The following SCARA5 variants were observed in gnomAD, a reference collection of about 807,000 sequenced individuals.
The protein encoded by SCARA5 is scavenger receptor class A member 5, also known as scavenger receptor class A, member 5 (putative).
A neutral mutation model predicts 46.3 loss-of-function variants in SCARA5; 45 were observed. The ratio of observed to expected loss-of-function variants is 0.97; its 90% CI spans 0.76 to 1.24. SCARA5 has a LOEUF of 1.24. SCARA5 is among the 50% of genes most tolerant of loss of function. SCARA5 has a pLI of 0.00. For synonymous variants in SCARA5, 333 were observed against 306.5 expected (o/e 1.09, Z -0.90); for missense variants, 680 against 689.0 (o/e 0.99, Z 0.15).
chr8:27,944,854 C>A (rs1469918465), intron 3 of SCARA5, among the ~76,000 whole-genome samples: 2 of 151,906 alleles, frequency 1.3e-5, no homozygotes, highest in Non-Finnish European at 2.9e-5. Flanking sequence ...GGCGACAGAG[C>A]GAGAGCCTGT....
rs372733282 is a variant in SCARA5, at chr8:27,921,887, C to T, written c.600G>A (p.Arg200=). The change falls in exon 4 of 9, where the codon AGG becomes AGA. Residue 200 remains arginine (R), a synonymous_variant. Transcript: ENST00000354914. The part of the protein sequence containing the change: ...VESNSSQLLL[R]RHAGLLDGLA... ...GCCCGTCCAGCAGGCCCGCGTGGCGCCTCAGCAGCAGCTGGCTACTGTTGC... is the reference window on the plus strand; with the variant it reads ...GCCCGTCCAGCAGGCCCGCGTGGCGTCTCAGCAGCAGCTGGCTACTGTTGC... 2.8e-4 allele frequency: 419 copies of T among 1,498,496 alleles called. No homozygotes were observed. The African/African-American group carries it at 5.2e-3, about 18-fold the overall frequency. The allele number at this position is 1,498,496 out of a possible 1,614,324, so 92.8% of individuals were successfully genotyped here.
chr8:27,899,226 C>G (rs531105423), intron 7 of SCARA5, among the ~76,000 whole-genome samples: 1 of 152,296 alleles, frequency 6.6e-6, no homozygotes, highest in East Asian at 1.9e-4. Context: ...TTCACTAACT[C>G]CAGGTTGATT....
At chr8:27,933,337 C>T (rs1585498598) in intron 3 of SCARA5, among the ~76,000 whole-genome samples, 1 of 151,692 alleles carries the variant, frequency 6.6e-6, no homozygotes, top group African/African-American at 2.4e-5. Context: ...GCCTGACTAA[C>T]ATTGTGAAGC....
intron 3 of SCARA5, among the ~76,000 whole-genome samples, chr8:27,964,670 C>G (rs1179827849): frequency 2.0e-5 from 3 of 152,056 alleles, no homozygotes; most frequent in Admixed American, 6.5e-5. Context: ...TAGAGTATGT[C>G]TACCCTTTCC....
At chr8:27,925,062 C>T (rs1262933946) in intron 3 of SCARA5, among the ~76,000 whole-genome samples, 1 of 152,118 alleles carries the variant, frequency 6.6e-6, no homozygotes, top group Non-Finnish European at 1.5e-5. Flanking sequence ...GCCATACTGC[C>T]CAAGGTAATT....
chr8:27,977,499 A>C (rs1453539057), intron 2 of SCARA5, among the ~76,000 whole-genome samples: 1 of 152,178 alleles, frequency 6.6e-6, no homozygotes, highest in Non-Finnish European at 1.5e-5. Context: ...TTCTTGTTCT[A>C]AATGAGACCT....
At chr8:27,938,990 G>A (rs1365525688) in intron 3 of SCARA5, among the ~76,000 whole-genome samples, 1 of 152,166 alleles carries the variant, frequency 6.6e-6, no homozygotes, top group South Asian at 2.1e-4. Flanking sequence ...AGTGGGTCCT[G>A]CCTGATTAAC....
At chr8:27,931,713 T>A (rs4732793) in intron 3 of SCARA5, among the ~76,000 whole-genome samples, 88,484 of 151,838 alleles carry the variant, frequency 0.58, 26,728 homozygotes, top group South Asian at 0.74. Context: ...ACCCAGGCAG[T>A]GCAGGGGTGC....
chr8:27,906,814 C>T (rs1807270020), intron 6 of SCARA5, among the ~76,000 whole-genome samples: 1 of 152,224 alleles, frequency 6.6e-6, no homozygotes, highest in Non-Finnish European at 1.5e-5. Flanking sequence ...ATCCTTCCCA[C>T]TCATCCTCCC....
At chr8:27,971,274 G>A (rs1378714111) in intron 2 of SCARA5, among the ~76,000 whole-genome samples, 1 of 152,244 alleles carries the variant, frequency 6.6e-6, no homozygotes, top group African/African-American at 2.4e-5. Context: ...AGGTGGCGAT[G>A]CACTCGGTGC....
intron 3 of SCARA5, among the ~76,000 whole-genome samples, chr8:27,940,511 A>T (rs927016413): frequency 7.2e-5 from 11 of 152,172 alleles, no homozygotes; most frequent in Admixed American, 6.5e-4. Flanking sequence ...TTGGTGATGA[A>T]ATCAGGGCTT....
chr8:27,984,662 A>G (rs745836146), intron 2 of SCARA5, among the ~76,000 whole-genome samples: 53 of 149,732 alleles, frequency 3.5e-4, no homozygotes, highest in Non-Finnish European at 6.9e-4. Flanking sequence ...TCATTCATCC[A>G]TCCATTCACC....
intron 8 of SCARA5, among the ~76,000 whole-genome samples, chr8:27,875,991 T>G (rs1806718416): frequency 6.6e-6 from 1 of 151,966 alleles, no homozygotes; most frequent in Non-Finnish European, 1.5e-5. Context: ...GAGGGAGACC[T>G]CATCTCTTAA....
At chr8:27,955,920 C>T (rs1439901802) in intron 3 of SCARA5, among the ~76,000 whole-genome samples, 1 of 152,142 alleles carries the variant, frequency 6.6e-6, no homozygotes, top group African/African-American at 2.4e-5. Context: ...CAGCTGGCAG[C>T]ATGCACTGGT....
rs558197266 is a variant in SCARA5, at chr8:27,872,969, G to A, written c.1352-899C>T. ...ATATCTGCAGTGACGTCAACACTGC[G>A]GTGGCGGGGGATCATTCCCGGAGGA... On this transcript the variant is annotated intron_variant, in intron 8 of 8. Coordinates refer to ENST00000354914, the MANE Select transcript of SCARA5 (RefSeq NM_173833.6). Among the ~76,000 whole-genome samples the A allele has an allele frequency of 1.9e-4, 29 of 152,328 alleles. No homozygotes were observed. In the South Asian group the frequency reaches 2.5e-3, roughly 13 times the overall value.
intron 4 of SCARA5, among the ~76,000 whole-genome samples, chr8:27,912,788 G>A (rs1212721706): frequency 2.0e-5 from 3 of 152,222 alleles, no homozygotes; most frequent in Non-Finnish European, 4.4e-5. Flanking sequence ...GGTCTTCCCA[G>A]GAGTCACTCT....
chr8:27,922,357 G>A, intron 3 of SCARA5, 112 bp from the exon 4 acceptor site: 1 of 651,710 alleles, frequency 1.5e-6, no homozygotes, highest in South Asian at 2.3e-5. Flanking sequence ...ATAAATGATA[G>A]ACGAATAAAA....
intron 5 of SCARA5, among the ~76,000 whole-genome samples, chr8:27,909,336 G>A (rs1350186423): frequency 2.0e-5 from 3 of 152,148 alleles, no homozygotes; most frequent in Non-Finnish European, 4.4e-5. Context: ...TCTTCAAAGG[G>A]TTGGTCTGGA....
chr8:27,918,846 GAGA>G (rs1380226657), intron 4 of SCARA5, among the ~76,000 whole-genome samples: 43 of 90,884 alleles, frequency 4.7e-4, no homozygotes, highest in Non-Finnish European at 8.3e-4. Flanking sequence ...GAAGAGGAGA[GAGA>G]AGAAGAGGAG....
Sources: allele counts gnomAD v4.1 joint callset (sites outside exome capture counted in the v4.1 genomes callset), GRCh38; gene constraint gnomAD v4.1.1; transcripts MANE v1.5; gene names NCBI Gene and HGNC (gene_info 2026-07-23, HGNC 2026-07-21).